FBXO34: variants seen among roughly 807,000 people sequenced by gnomAD.
FBXO34 encodes the protein F-box only protein 34.
Under a neutral mutation model 24.5 loss-of-function variants are expected in FBXO34, and 12 were observed. The observed-to-expected ratio is 0.49, with a 90% CI of 0.31 to 0.79. The LOEUF is 0.79. Among genes scored for constraint, FBXO34 ranks in the 30% least tolerant of loss-of-function variants. FBXO34 has a pLI of 0.04. For missense variants in FBXO34, 823 were observed against 857.7 expected (o/e 0.96, Z 0.51); for synonymous variants, 320 against 311.9 (o/e 1.03, Z -0.27).
the FBXO34 span, among the ~76,000 whole-genome samples, chr14:55,409,694 G>A: frequency 5.3e-5 from 8 of 152,230 alleles, no homozygotes; most frequent in Admixed American, 2.6e-4. Context: ...AGGCCACAGT[G>A]GCACAGCAGA....
chr14:55,360,849 T>C (rs1884584574), intron 3 of FBXO34, among the ~76,000 whole-genome samples: 1 of 151,882 alleles, frequency 6.6e-6, no homozygotes, highest in South Asian at 2.1e-4. Context: ...AATGCAAAAA[T>C]TAGCTGGGCA....
chr14:55,361,889 A>G (rs7158791), exon 4 of FBXO34: 45,897 of 152,152 alleles, frequency 0.3, 7,233 homozygotes, highest in Non-Finnish European at 0.34. Context: ...TCATCTATCT[A>G]GACCACTAAA....
chr14:55,313,380 A>G (rs1882814962), intron 1 of FBXO34, among the ~76,000 whole-genome samples: 2 of 152,154 alleles, frequency 1.3e-5, no homozygotes, highest in African/African-American at 4.8e-5. Flanking sequence ...GGAAGTTCCA[A>G]ACTTTCCCAC....
the FBXO34 span, chr14:55,440,560 G>C: frequency 1.9e-6 from 3 of 1,578,390 alleles, no homozygotes; most frequent in South Asian, 2.3e-5. Flanking sequence ...GAGCCTGGGG[G>C]CAGCGAGGCG....
chr14:55,326,985 C>T (rs1450615056), intron 1 of FBXO34, among the ~76,000 whole-genome samples: 1 of 151,912 alleles, frequency 6.6e-6, no homozygotes, highest in African/African-American at 2.4e-5. Flanking sequence ...AACAGATGAT[C>T]TAGTGGAGAG....
chr14:55,319,989 C>T (rs1883073461), intron 1 of FBXO34, among the ~76,000 whole-genome samples: 1 of 151,988 alleles, frequency 6.6e-6, no homozygotes, highest in African/African-American at 2.4e-5. Context: ...CCTGAACTTT[C>T]ATAGGAAACT....
At position 55,326,364 on chromosome 14, in the gene FBXO34, G is replaced by A. The variant is rs368974951; in HGVS notation, c.-10-24017G>A. Among the ~76,000 whole-genome samples the A allele has an allele frequency of 9.2e-5, 14 of 152,300 alleles. 1 individual carries two copies. Among genetic ancestry groups the A allele is most frequent in the African/African-American group, 3.4e-4 (14 of 41,558 alleles). ...AAATGTGCTTTTTTAGACTTCGGCC[G>A]AGTTGCCTAGGTGAGGGCTGCAGGT... On this transcript the variant is annotated intron_variant, in intron 1 of 1. Coordinates refer to ENST00000313833, the MANE Select transcript of FBXO34 (RefSeq NM_017943.4).
the FBXO34 span, among the ~76,000 whole-genome samples, chr14:55,402,957 AT>A: frequency 1.5e-3 from 118 of 76,182 alleles, 3 homozygotes; most frequent in South Asian, 4.1e-3. Flanking sequence ...ATATATATAT[AT>A]ATATATATAT....
the FBXO34 span, among the ~76,000 whole-genome samples, chr14:55,422,999 T>C: frequency 1.3e-5 from 2 of 151,554 alleles, no homozygotes; most frequent in African/African-American, 4.9e-5. Flanking sequence ...CAGGAAAAAA[T>C]AACAAATATA....
At chr14:55,307,440 T>A (rs993291971) in intron 1 of FBXO34, among the ~76,000 whole-genome samples, 1 of 152,248 alleles carries the variant, frequency 6.6e-6, no homozygotes, top group African/African-American at 2.4e-5. Context: ...TTCCCCCACT[T>A]CTGTGATTAA....
intron 1 of FBXO34, among the ~76,000 whole-genome samples, chr14:55,333,912 G>T (rs566770292): frequency 3.9e-5 from 6 of 152,082 alleles, no homozygotes; most frequent in African/African-American, 1.2e-4. Flanking sequence ...GAATGCCTGC[G>T]TGTCTAGATT....
At chr14:55,370,490 A>T (rs1241757749), downstream of FBXO34, among the ~76,000 whole-genome samples, 1 of 152,224 alleles carries the variant, frequency 6.6e-6, no homozygotes, top group Non-Finnish European at 1.5e-5. Flanking sequence ...ATATTTCTGC[A>T]CTGTATTTCA....
downstream of FBXO34, among the ~76,000 whole-genome samples, chr14:55,366,023 T>C (rs1055593792): frequency 2.6e-5 from 4 of 152,150 alleles, no homozygotes; most frequent in African/African-American, 9.7e-5. Flanking sequence ...ACATTTCCCT[T>C]TTCCTCTTGT....
chr14:55,416,241 T>C, the FBXO34 span, among the ~76,000 whole-genome samples: 1 of 152,230 alleles, frequency 6.6e-6, no homozygotes, highest in Admixed American at 6.5e-5. Flanking sequence ...AAATTTGTTA[T>C]GTGCGTTCAC....
the FBXO34 span, among the ~76,000 whole-genome samples, chr14:55,379,578 A>T: frequency 5.1e-4 from 77 of 152,258 alleles, no homozygotes; most frequent in African/African-American, 1.5e-3. Flanking sequence ...TTAATTTTTT[A>T]AAAAAATTAA....
chr14:55,407,467 G>A, the FBXO34 span, among the ~76,000 whole-genome samples: 3 of 151,922 alleles, frequency 2.0e-5, no homozygotes, highest in African/African-American at 7.3e-5. Context: ...GTTTCATCAT[G>A]TTGGCCAGGC....
chr14:55,381,061 C>A, the FBXO34 span, among the ~76,000 whole-genome samples: 2 of 151,912 alleles, frequency 1.3e-5, no homozygotes, highest in Admixed American at 6.6e-5. Flanking sequence ...AGAGTCATCC[C>A]TTCCTCTGTA....
intron 1 of FBXO34, among the ~76,000 whole-genome samples, chr14:55,344,221 A>G (rs1017930983): frequency 6.6e-6 from 1 of 152,096 alleles, no homozygotes; most frequent in Non-Finnish European, 1.5e-5. Context: ...CTTCTTGTCC[A>G]CTGTACTTCC....
At chr14:55,327,547 G>A (rs1883379324) in intron 1 of FBXO34, among the ~76,000 whole-genome samples, 1 of 152,072 alleles carries the variant, frequency 6.6e-6, no homozygotes, top group Non-Finnish European at 1.5e-5. Context: ...TTTGTGAGAG[G>A]AAAATGGAGT....
Sources: gnomAD v4.1 joint callset for allele counts (sites outside exome capture counted in the v4.1 genomes callset) on GRCh38, gnomAD v4.1.1 for gene constraint, MANE v1.5 for transcripts, NCBI Gene and HGNC (gene_info 2026-07-23, HGNC 2026-07-21) for gene names.